The following KMO variants were observed in gnomAD, a reference collection of about 807,000 sequenced individuals.
KMO encodes the protein kynurenine 3-hydroxylase.
KMO carries 24 observed loss-of-function variants against 57.8 expected under a neutral mutation model. That is an observed-to-expected ratio of 0.42 (90% CI 0.30 to 0.58). The LOEUF is 0.58. Ranked by LOEUF, KMO falls within the 20% of genes least tolerant of loss-of-function variation. The pLI is 0.22. For synonymous variants in KMO, 210 were observed against 193.6 expected (o/e 1.08, Z -0.70); for missense variants, 483 against 588.2 (o/e 0.82, Z 1.85).
chr1:241,542,482 T>C (rs1397466026), intron 1 of KMO, among the ~76,000 whole-genome samples: 1 of 152,198 alleles, frequency 6.6e-6, no homozygotes, highest in African/African-American at 2.4e-5. Flanking sequence ...GTTAGACTGG[T>C]TATTCATAAA....
rs759601225 is a variant in KMO, at chr1:241,592,010, C to T, written c.1318C>T (p.Leu440=). ...GSLIAISSTY[L]LIHYMSPRSF... ...ACTGATAGCCATCAGCAGTACCTAC[C>T]TACTTATACACTACATGTCACCACG... Residue 440 remains leucine (L), a synonymous_variant, in exon 15 of 15, where the codon CTA becomes TTA. Coordinates refer to ENST00000366559, the MANE Select transcript of KMO (RefSeq NM_003679.5). 1 of 1,613,994 alleles carries T rather than the reference C, an allele frequency of 6.2e-7. No homozygotes were observed. The highest frequency in any genetic ancestry group is 1.3e-5 in the African/African-American group (1 of 75,018).
At chr1:241,555,983 C>T (rs1661606122) in intron 5 of KMO, among the ~76,000 whole-genome samples, 1 of 152,056 alleles carries the variant, frequency 6.6e-6, no homozygotes, top group African/African-American at 2.4e-5. Context: ...TACTCAAGAG[C>T]CTGAGGTGGA....
intron 5 of KMO, 61 bp downstream of exon 5, chr1:241,555,721 G>T (rs1354843497): frequency 1.0e-6 from 1 of 991,100 alleles, no homozygotes; most frequent in Non-Finnish European, 1.6e-6. Flanking sequence ...CACTAATCTT[G>T]TCATATGATT....
rs773669674 is a variant in KMO at position 241,593,344 on chromosome 1, G to T, written c.*1191G>T. 2.3e-6 allele frequency: 1 copy of T among 430,020 alleles called. No homozygotes were observed. The highest frequency in any genetic ancestry group is 1.7e-5 in the South Asian group (1 of 58,556). The allele number at this position is 430,020 out of a possible 1,614,324, so 26.6% of individuals were successfully genotyped here. ...GCACATTTAGTGAAATGTTTTCTTT[G>T]GTTCATCCTTCTTTAACAGGCTGCT... is the stretch of plus-strand genomic sequence containing the variant. On this transcript the variant is annotated 3_prime_UTR_variant, in exon 15 of 15. Coordinates refer to ENST00000366559, the MANE Select transcript of KMO (RefSeq NM_003679.5).
chr1:241,575,861 A>G (rs1451748873), intron 10 of KMO, among the ~76,000 whole-genome samples: 1 of 152,020 alleles, frequency 6.6e-6, no homozygotes, highest in Non-Finnish European at 1.5e-5. Flanking sequence ...ATGGAGTGTT[A>G]AAGTCCCCAC....
chr1:241,571,898 C>T (rs1421364479), intron 10 of KMO, among the ~76,000 whole-genome samples: 6 of 122,646 alleles, frequency 4.9e-5, no homozygotes, highest in Admixed American at 1.0e-4. Context: ...GATGGAGTCT[C>T]GCTCTGTTGC....
intron 1 of KMO, among the ~76,000 whole-genome samples, chr1:241,537,285 A>G (rs923990585): frequency 6.6e-6 from 1 of 152,166 alleles, no homozygotes; most frequent in African/African-American, 2.4e-5. Context: ...AAGAAATCAA[A>G]TGTCACCCAG....
At chr1:241,556,134 T>C (rs1315606995) in intron 5 of KMO, among the ~76,000 whole-genome samples, 1 of 152,078 alleles carries the variant, frequency 6.6e-6, no homozygotes, top group Non-Finnish European at 1.5e-5. Context: ...CTTGAAAATA[T>C]CAATTGCCTA....
chr1:241,586,855 A>G (rs1663013045), intron 11 of KMO, 119 bp downstream of exon 11: 1 of 705,366 alleles, frequency 1.4e-6, no homozygotes, highest in Non-Finnish European at 2.4e-6. Context: ...TCTCCCCAGG[A>G]TTACATATTT....
chr1:241,539,929 G>T (rs1323662135), intron 1 of KMO, among the ~76,000 whole-genome samples: 11 of 152,110 alleles, frequency 7.2e-5, no homozygotes, highest in Non-Finnish European at 1.5e-4. Context: ...TAATGCTAAA[G>T]AATTAAAATA....
intron 4 of KMO, 93 bp downstream of exon 4, chr1:241,551,137 C>G (rs1449514555): frequency 1.4e-6 from 1 of 722,822 alleles, no homozygotes; most frequent in African/African-American, 1.9e-5. Flanking sequence ...CTCTCCAGCC[C>G]TATCTCTGAC....
At position 241,549,202 on chromosome 1, in the gene KMO, GAAGA is replaced by G. The variant is rs71570903; in HGVS notation, c.124+368_124+371del. Among the ~76,000 whole-genome samples, 71 of 19,958 alleles carry G rather than the reference GAAGA, an allele frequency of 3.6e-3. 1 individual carries two copies. Among genetic ancestry groups the G allele is most frequent in the African/African-American group, 0.01 (66 of 6,306 alleles). The allele number at this position is 19,958 out of a possible 152,430, so 13.1% of individuals were successfully genotyped here. ...AAAGAGAGAGAGAGAGAAAGAAAAG[GAAGA>G]AAGAAAGAAAGAAAGAAAGAAAGAA... On this transcript the variant is annotated intron_variant, in intron 2 of 14. Coordinates refer to ENST00000366559, the MANE Select transcript of KMO (RefSeq NM_003679.5).
chr1:241,579,142 T>C (rs1310435330), intron 10 of KMO, among the ~76,000 whole-genome samples: 1 of 152,106 alleles, frequency 6.6e-6, no homozygotes, highest in African/African-American at 2.4e-5. Flanking sequence ...AATTTTCTCC[T>C]TCCTGAGTGC....
At chr1:241,561,616 G>C (rs1315675958) in intron 6 of KMO, among the ~76,000 whole-genome samples, 1 of 152,194 alleles carries the variant, frequency 6.6e-6, no homozygotes, top group African/African-American at 2.4e-5. Context: ...AAACTGCCAA[G>C]GAAGTTTTCT....
intron 4 of KMO, among the ~76,000 whole-genome samples, chr1:241,552,321 C>T (rs565315419): frequency 6.6e-6 from 1 of 152,280 alleles, no homozygotes; most frequent in South Asian, 2.1e-4. Flanking sequence ...CTTCTCAATT[C>T]TTAAGAACTC....
At chr1:241,552,179 A>T (rs1175674589) in intron 4 of KMO, among the ~76,000 whole-genome samples, 95 of 76,530 alleles carry the variant, frequency 1.2e-3, no homozygotes, top group Non-Finnish European at 1.8e-3. Context: ...TGTGTGTGAG[A>T]GAGAGAGAGA....
At chr1:241,583,279 A>G (rs1201640029) in intron 10 of KMO, among the ~76,000 whole-genome samples, 2 of 152,130 alleles carry the variant, frequency 1.3e-5, no homozygotes, top group Non-Finnish European at 2.9e-5. Flanking sequence ...CCTAATGCCC[A>G]TGGTGACTAC....
intron 1 of KMO, among the ~76,000 whole-genome samples, chr1:241,541,338 A>G (rs1421833773): frequency 6.6e-6 from 1 of 152,298 alleles, no homozygotes; most frequent in East Asian, 1.9e-4. Context: ...GAATTAGTGA[A>G]TGCAATTGCT....
intron 10 of KMO, among the ~76,000 whole-genome samples, chr1:241,578,828 A>C (rs1662636358): frequency 6.6e-6 from 1 of 152,138 alleles, no homozygotes. Context: ...TGATGGATGC[A>C]CAGTTTCATG....
Sources: gnomAD v4.1 joint callset for allele counts (sites outside exome capture counted in the v4.1 genomes callset) on GRCh38, gnomAD v4.1.1 for gene constraint, MANE v1.5 for transcripts, NCBI Gene and HGNC (gene_info 2026-07-23, HGNC 2026-07-21) for gene names.